DMD: variants seen among roughly 807,000 people sequenced by gnomAD.
DMD encodes the protein mutant dystrophin.
In DMD, 63 loss-of-function variants were observed where a neutral mutation model predicts 330.1. The ratio of observed to expected loss-of-function variants is 0.19; its 90% CI spans 0.16 to 0.24. The LOEUF (loss-of-function observed/expected upper bound fraction) is 0.24, where lower values mean the gene tolerates loss of function less well. Among genes scored for constraint, DMD ranks in the 10% least tolerant of loss-of-function variants. DMD has a pLI of 1.00. For missense variants in DMD, 3,344 were observed against 2,684.1 expected, an observed-to-expected ratio of 1.25 and a Z score of -5.43; for synonymous variants, 1,223 against 959.8, an observed-to-expected ratio of 1.27 and a Z score of -5.07.
intron 9 of DMD, among the ~76,000 whole-genome samples, chrX:32,647,414 C>A (rs180722442): frequency 2.7e-5 from 3 of 111,583 alleles, no homozygotes; most frequent in African/African-American, 3.3e-5. Context: ...AGGTTGCTGG[C>A]AGCCCTGGGA....
intron 45 of DMD, among the ~76,000 whole-genome samples, chrX:31,950,714 G>A (rs962921136): frequency 5.0e-4 from 55 of 110,199 alleles, no homozygotes; most frequent in African/African-American, 1.7e-3. Context: ...CTGCTTAATT[G>A]ACCCCTTATA....
At chrX:32,086,694 G>A (rs1166719327) in intron 44 of DMD, among the ~76,000 whole-genome samples, 1 of 111,593 alleles carries the variant, frequency 9.0e-6, no homozygotes, top group Non-Finnish European at 1.9e-5. Context: ...GCATGTGACA[G>A]TAGATGCTAA....
rs2045078005 is a variant in DMD, at chrX:32,509,716, G to A, written c.2293-7874C>T. Among the ~76,000 whole-genome samples, 3 of 111,612 alleles carry A rather than the reference G, an allele frequency of 2.7e-5. No homozygotes were observed. In the Admixed American group the frequency reaches 2.9e-4, roughly 11 times the overall value. ...CTTCTTAGAAGTATTTGCTAATTTG[G>A]CTTCACGTACTACTTGAACACAGTT... is the stretch of plus-strand genomic sequence containing the variant. On this transcript the variant is annotated intron_variant, in intron 18 of 78. Transcript: ENST00000357033.
chrX:31,407,466 C>CT (rs60536358), intron 60 of DMD, among the ~76,000 whole-genome samples: 14 of 88,616 alleles, frequency 1.6e-4, no homozygotes, highest in Non-Finnish European at 2.2e-4. Flanking sequence ...ATGCTTGGCC[C>CT]TTTTTTTTTT....
At chrX:33,134,424 T>C (rs1281719393) in intron 1 of DMD, among the ~76,000 whole-genome samples, 1 of 111,595 alleles carries the variant, frequency 9.0e-6, no homozygotes, top group Non-Finnish European at 1.9e-5. Context: ...TAGAGTGAAA[T>C]AAAAAAGTTC....
chrX:32,330,904 A>C (rs1376337972), intron 41 of DMD, among the ~76,000 whole-genome samples: 1 of 111,716 alleles, frequency 9.0e-6, no homozygotes, highest in Non-Finnish European at 1.9e-5. Flanking sequence ...AAAATGAACA[A>C]AAAAAGGAAG....
intron 1 of DMD, among the ~76,000 whole-genome samples, chrX:33,303,594 C>A (rs1053002256): frequency 1.1e-4 from 12 of 111,245 alleles, no homozygotes; most frequent in Non-Finnish European, 2.3e-4. Context: ...TGGGAGAGAC[C>A]CAGTGGGAGA....
At chrX:32,971,710 TTTCTATG>T (rs1486779227) in intron 2 of DMD, among the ~76,000 whole-genome samples, 3 of 111,000 alleles carry the variant, frequency 2.7e-5, no homozygotes, top group Admixed American at 9.6e-5. Flanking sequence ...CTCTTATAAT[TTTCTATG>T]TTCTATGTTC....
At chrX:32,156,986 C>A (rs999381990) in intron 44 of DMD, among the ~76,000 whole-genome samples, 49 of 111,993 alleles carry the variant, frequency 4.4e-4, no homozygotes, top group Non-Finnish European at 7.3e-4. Context: ...GTGTGCCTAT[C>A]GGGACAGCTG....
At chrX:32,456,986 C>T (rs1288798779) in intron 25 of DMD, among the ~76,000 whole-genome samples, 3 of 100,303 alleles carry the variant, frequency 3.0e-5, no homozygotes, top group Non-Finnish European at 4.0e-5. Flanking sequence ...AAACTTACAG[C>T]AGGAACAACT....
chrX:31,141,615 T>G (rs899123941), intron 76 of DMD, among the ~76,000 whole-genome samples: 9 of 110,115 alleles, frequency 8.2e-5, no homozygotes, highest in Non-Finnish European at 1.1e-4. Context: ...GTGACTGGAT[T>G]GATGGTGGTG....
At chrX:31,670,884 C>T (rs889431816) in intron 53 of DMD, among the ~76,000 whole-genome samples, 7 of 108,923 alleles carry the variant, frequency 6.4e-5, no homozygotes, top group East Asian at 2.9e-4. Context: ...CTTTTGGGAG[C>T]GGGGGACACT....
intron 43 of DMD, among the ~76,000 whole-genome samples, chrX:32,224,948 T>C (rs1308243391): frequency 8.9e-6 from 1 of 111,795 alleles, no homozygotes; most frequent in East Asian, 2.8e-4. Flanking sequence ...ACAGCAAAGA[T>C]AAATTTTCTT....
At chrX:31,298,867 T>C (rs2054404984) in intron 62 of DMD, among the ~76,000 whole-genome samples, 2 of 112,211 alleles carry the variant, frequency 1.8e-5, no homozygotes, top group African/African-American at 6.5e-5. Flanking sequence ...AAAAAAATTC[T>C]ATGTAGACTT....
At chrX:31,240,834 A>G (rs1323110514) in intron 63 of DMD, among the ~76,000 whole-genome samples, 1 of 112,025 alleles carries the variant, frequency 8.9e-6, no homozygotes, top group Non-Finnish European at 1.9e-5. Context: ...AGGAAACCAA[A>G]GGCCTAAGAA....
At chrX:31,694,330 G>A (rs1007046713) in intron 52 of DMD, among the ~76,000 whole-genome samples, 26 of 109,624 alleles carry the variant, frequency 2.4e-4, no homozygotes, top group Non-Finnish European at 1.1e-4. Context: ...CCATGACATT[G>A]GTCTGGGCAG....
chrX:31,812,758 T>C (rs976703148), intron 50 of DMD, among the ~76,000 whole-genome samples: 3 of 111,876 alleles, frequency 2.7e-5, no homozygotes, highest in African/African-American at 9.8e-5. Context: ...AGACTTATTT[T>C]TGAATACCCA....
At chrX:32,458,136 T>A (rs901607452) in intron 25 of DMD, among the ~76,000 whole-genome samples, 1 of 110,721 alleles carries the variant, frequency 9.0e-6, no homozygotes, top group Non-Finnish European at 1.9e-5. Flanking sequence ...TTAAACAACT[T>A]TTCTAGAATC....
chrX:33,146,979 C>T (rs1304705915), intron 1 of DMD, among the ~76,000 whole-genome samples: 1 of 110,306 alleles, frequency 9.1e-6, no homozygotes, highest in African/African-American at 3.3e-5. Flanking sequence ...TGTGCTACTA[C>T]ACCTGGCTAA....
Sources: allele counts gnomAD v4.1 joint callset (sites outside exome capture counted in the v4.1 genomes callset), GRCh38; gene constraint gnomAD v4.1.1; transcripts MANE v1.5; gene names NCBI Gene and HGNC (gene_info 2026-07-23, HGNC 2026-07-21).